Variants in NRG1 observed in about 807,000 individuals in gnomAD.
The protein encoded by NRG1 is neuregulin 1.
In NRG1, 18 loss-of-function variants were observed where a neutral mutation model predicts 63.8. The ratio of observed to expected loss-of-function variants is 0.28; its 90% CI spans 0.19 to 0.42. NRG1 has a LOEUF of 0.42. Among genes scored for constraint, NRG1 ranks in the 10% least tolerant of loss-of-function variants. NRG1 has a pLI of 1.00. For missense variants in NRG1, 762 were observed against 814.7 expected, an observed-to-expected ratio of 0.94 and a Z score of 0.79; for synonymous variants, 302 against 301.3, an observed-to-expected ratio of 1.00 and a Z score of -0.02.
chr8:31,890,743 T>A (rs1831083632), intron 1 of NRG1, among the ~76,000 whole-genome samples: 2 of 152,288 alleles, frequency 1.3e-5, no homozygotes, highest in South Asian at 4.1e-4. Flanking sequence ...GGAATGACAA[T>A]CACAGTCAAG....
intron 1 of NRG1, among the ~76,000 whole-genome samples, chr8:31,846,768 C>T (rs1826728876): frequency 6.6e-6 from 1 of 152,116 alleles, no homozygotes; most frequent in African/African-American, 2.4e-5. Context: ...AACTCTACAT[C>T]TTTTAGTGGC....
At chr8:32,434,408 A>C (rs1818534211) in intron 1 of NRG1, among the ~76,000 whole-genome samples, 1 of 152,122 alleles carries the variant, frequency 6.6e-6, no homozygotes, top group Admixed American at 6.6e-5. Flanking sequence ...AGACTTTATA[A>C]ATTTAAAACA....
chr8:31,731,205 G>GTATATATA (rs1814011999), intron 1 of NRG1, among the ~76,000 whole-genome samples: 1 of 152,010 alleles, frequency 6.6e-6, no homozygotes. Context: ...AGACATGAAG[G>GTATATATA]CAAAGCTATA....
At chr8:32,236,040 A>ATAATGTT (rs992858040) in intron 1 of NRG1, among the ~76,000 whole-genome samples, 25 of 152,190 alleles carry the variant, frequency 1.6e-4, no homozygotes, top group Admixed American at 1.5e-3. Flanking sequence ...GAAGTTAAGT[A>ATAATGTT]TAATGTTTTT....
intron 1 of NRG1, among the ~76,000 whole-genome samples, chr8:31,697,933 C>A (rs1221323742): frequency 6.6e-6 from 1 of 150,744 alleles, no homozygotes; most frequent in Non-Finnish European, 1.5e-5. Context: ...CTTTGTTGCC[C>A]AGGCTGGAGT....
chr8:32,708,269 A>C (rs1210541521), intron 5 of NRG1, among the ~76,000 whole-genome samples: 1 of 152,194 alleles, frequency 6.6e-6, no homozygotes, highest in Admixed American at 6.5e-5. Context: ...AACAGCTTTT[A>C]GTCTTATCTC....
intron 1 of NRG1, among the ~76,000 whole-genome samples, chr8:32,184,494 G>A (rs958439054): frequency 6.6e-6 from 1 of 151,716 alleles, no homozygotes; most frequent in South Asian, 2.1e-4. Flanking sequence ...GAGAGTTTTT[G>A]TTACAGCCTA....
intron 1 of NRG1, among the ~76,000 whole-genome samples, chr8:32,434,498 C>T (rs1016425832): frequency 9.2e-5 from 14 of 152,152 alleles, no homozygotes; most frequent in Non-Finnish European, 1.8e-4. Context: ...TAGGATGCCC[C>T]GAATAACTGA....
intron 1 of NRG1, among the ~76,000 whole-genome samples, chr8:32,388,149 T>C (rs1811257227): frequency 6.6e-6 from 1 of 152,206 alleles, no homozygotes; most frequent in East Asian, 1.9e-4. Flanking sequence ...GTCTTTGTCA[T>C]AGCAGCCTCA....
chr8:32,097,077 A>G (rs1829993117), intron 1 of NRG1, among the ~76,000 whole-genome samples: 1 of 152,178 alleles, frequency 6.6e-6, no homozygotes, highest in Non-Finnish European at 1.5e-5. Flanking sequence ...GCTTCCACAT[A>G]TGAATGAGAA....
At chr8:32,328,493 T>C (rs1054894254) in intron 1 of NRG1, among the ~76,000 whole-genome samples, 4 of 152,136 alleles carry the variant, frequency 2.6e-5, no homozygotes, top group African/African-American at 9.7e-5. Context: ...CTTTACTTTT[T>C]ACCTTTTCAA....
rs201717794 is a variant in NRG1, at chr8:32,208,285, A to AT, written c.38-387527dup. 5.4e-3 allele frequency among the ~76,000 whole-genome samples: 768 copies of AT among 142,506 alleles called. 5 individuals are homozygous for AT. The highest frequency in any genetic ancestry group is 0.013 in the African/African-American group (515 of 38,890). The allele number at this position is 142,506 out of a possible 152,430, so 93.5% of individuals were successfully genotyped here. A position where few individuals can be genotyped will look rare whatever the true frequency, so the allele number is the denominator to read the frequency against. The stretch of plus-strand genomic sequence containing the variant: ...GCTGGTGGGACTATGAAGTGTTTTA[A>AT]TTTTTTTTTTTTTTTTAGACGGAGG... On this transcript the variant is annotated intron_variant, in intron 1 of 10. Coordinates refer to the NRG1 transcript ENST00000519301.
chr8:32,271,422 A>T (rs1347995449), intron 1 of NRG1, among the ~76,000 whole-genome samples: 1 of 152,172 alleles, frequency 6.6e-6, no homozygotes, highest in Non-Finnish European at 1.5e-5. Context: ...AGGAGAAGAG[A>T]CTGAGTATTT....
At chr8:32,676,226 G>T (rs1370263216) in intron 5 of NRG1, among the ~76,000 whole-genome samples, 2 of 152,146 alleles carry the variant, frequency 1.3e-5, no homozygotes, top group Non-Finnish European at 2.9e-5. Flanking sequence ...CTAAGGGATG[G>T]CCTCAGTGGT....
At chr8:32,069,700 A>G (rs1364041063) in intron 1 of NRG1, among the ~76,000 whole-genome samples, 3 of 152,168 alleles carry the variant, frequency 2.0e-5, no homozygotes, top group African/African-American at 7.2e-5. Context: ...AACCCATGAT[A>G]GAACCCAAGG....
At chr8:32,563,064 C>A (rs1053229975) in intron 1 of NRG1, among the ~76,000 whole-genome samples, 1 of 152,166 alleles carries the variant, frequency 6.6e-6, no homozygotes. Flanking sequence ...CATCCTAGGA[C>A]AGCTTTGAAT....
At chr8:31,641,334 G>GTTT (rs34431458) in intron 1 of NRG1, among the ~76,000 whole-genome samples, 3 of 148,422 alleles carry the variant, frequency 2.0e-5, no homozygotes, top group African/African-American at 7.5e-5. Context: ...ATTGGTGGGG[G>GTTT]TTTTTTTTTT....
At chr8:32,683,063 T>G (rs1414304314) in intron 5 of NRG1, among the ~76,000 whole-genome samples, 1 of 152,244 alleles carries the variant, frequency 6.6e-6, no homozygotes, top group Non-Finnish European at 1.5e-5. Context: ...CTATTATTTA[T>G]GCACAACAAG....
chr8:32,354,391 T>G (rs1309265760), intron 1 of NRG1, among the ~76,000 whole-genome samples: 1 of 142,904 alleles, frequency 7.0e-6, no homozygotes, highest in Non-Finnish European at 1.6e-5. Context: ...CAACAAAAAG[T>G]GTACATACTG....
Sources: allele counts gnomAD v4.1 joint callset (sites outside exome capture counted in the v4.1 genomes callset), GRCh38; gene constraint gnomAD v4.1.1; transcripts MANE v1.5; gene names NCBI Gene and HGNC (gene_info 2026-07-23, HGNC 2026-07-21).